The following DST variants were observed in gnomAD, a reference collection of about 807,000 sequenced individuals.
DST encodes the protein dystonin, also known as bullous pemphigoid antigen.
Under a neutral mutation model 875.2 loss-of-function variants are expected in DST, and 253 were observed. That is an observed-to-expected ratio of 0.29 (90% CI 0.26 to 0.32). DST has a LOEUF of 0.32. DST is among the 10% of genes least tolerant of loss of function. DST has a pLI of 1.00. For synonymous variants in DST, 3,124 were observed against 3,197.1 expected, an observed-to-expected ratio of 0.98 and a Z score of 0.77; for missense variants, 8,287 against 9,111.6, an observed-to-expected ratio of 0.91 and a Z score of 3.68.
intron 3 of DST, among the ~76,000 whole-genome samples, chr6:56,893,598 A>ATTTTTTT (rs1789014878): frequency 4.2e-5 from 3 of 72,042 alleles, no homozygotes; most frequent in Non-Finnish European, 7.5e-5. Flanking sequence ...ATTTTTTTTT[A>ATTTTTTT]TTTTTTATTT....
At chr6:56,618,262 C>CTTCTCTTCCA (rs766632087) in intron 36 of DST, 1 of 1,614,114 alleles carries the variant, frequency 6.2e-7, no homozygotes, top group Non-Finnish European at 8.5e-7. Context: ...GATGCTGCCA[C>CTTCTCTTCCA]TTCTCTTCCA....
At chr6:56,510,613 T>G (rs533919889) in intron 73 of DST, among the ~76,000 whole-genome samples, 1 of 152,310 alleles carries the variant, frequency 6.6e-6, no homozygotes, top group East Asian at 1.9e-4. Context: ...TGAACTTTGT[T>G]CTATACTATC....
chr6:56,521,635 CAG>C (rs10547461), intron 69 of DST, among the ~76,000 whole-genome samples: 93,634 of 139,590 alleles, frequency 0.67, 31,257 homozygotes, highest in Non-Finnish European at 0.71. Flanking sequence ...AGACTTCAAA[CAG>C]ATATTTCCCG....
rs753401832 is a variant in DST at position 56,600,119 on chromosome 6, T to C, written c.11644A>G (p.Met3882Val). ...AACTCAACTGTGCCATCTCCAATCATGAAGGCTTCTTGGTGACCAATTAGG... is the reference window on the plus strand; with the variant it reads ...AACTCAACTGTGCCATCTCCAATCACGAAGGCTTCTTGGTGACCAATTAGG... ...NRLIGHQEAF[M>V]IGDGTVELKK... The change falls in exon 45 of 104, where the codon ATG (methionine) becomes GTG (valine). Residue 3882 changes from methionine to valine, a missense_variant. Physicochemically the swap from Met to Val is conservative, Grantham distance 21 (BLOSUM62 1). This residue lies in a region of DST where 3,138 missense variants were observed against 3,116.6 expected (regional missense o/e 1.01). Coordinates refer to ENST00000680361, the MANE Select transcript of DST (RefSeq NM_001374736.1). 1 of 1,612,988 alleles carries C rather than the reference T, an allele frequency of 6.2e-7. No homozygotes were observed. Among genetic ancestry groups the C allele is most frequent in the East Asian group, 2.2e-5 (1 of 44,876 alleles).
At chr6:56,464,630 A>G in intron 100 of DST, 55 bp downstream of exon 100, 2 of 1,268,356 alleles carry the variant, frequency 1.6e-6, no homozygotes, top group Non-Finnish European at 2.2e-6. Flanking sequence ...GCAAGAATGG[A>G]AAAGTAGGAA....
At position 56,608,889 on chromosome 6, in the gene DST, C is replaced by A. The variant is rs919139699; in HGVS notation, c.5739G>T (p.Arg1913Ser). The A allele has an allele frequency of 3.1e-6, 5 of 1,613,566 alleles. No individual in the cohort carries two copies. In the African/African-American group the frequency reaches 6.7e-5, roughly 22 times the overall value. Residue 1913 changes from arginine (R) to serine (S), a missense_variant, in exon 40 of 104, where the codon AGG becomes AGT. Arg to Ser is a moderately radical substitution (Grantham distance 110). Transcript: ENST00000680361. ...CAATAAGATCTTTGCACATATTTTG[C>A]CTTTCCAGAACTTTAGAAAATAATG... ...SSALFSKVLERQNMCKDLIDP... is the reference protein window; with the variant it reads ...SSALFSKVLESQNMCKDLIDP...
rs114632098 is a variant in DST, at chr6:56,502,840, G to T, written c.19567-1147C>A. ...TGAAAATGCTACAATTTTAAAGCCA[G>T]ATAATATTTTCACATAAAATCTAGC... On this transcript the variant is annotated intron_variant, in intron 78 of 103. Transcript: ENST00000680361. Among the ~76,000 whole-genome samples, 1,387 of 152,168 alleles carry T rather than the reference G, an allele frequency of 9.1e-3. 21 individuals carry two copies. The highest frequency in any genetic ancestry group is 0.031 in the African/African-American group (1,286 of 41,536).
At chr6:56,507,323 T>C (rs978611263) in intron 75 of DST, among the ~76,000 whole-genome samples, 7 of 152,194 alleles carry the variant, frequency 4.6e-5, no homozygotes, top group Non-Finnish European at 7.3e-5. Flanking sequence ...AATACATTCA[T>C]TCATTCAACA....
chr6:56,552,998 T>C lies in DST; in HGVS notation c.15794A>G (p.Lys5265Arg), dbSNP rs746413021. The C allele has an allele frequency of 1.7e-5, 28 of 1,613,882 alleles. No individual in the cohort carries two copies. In the South Asian group the frequency reaches 3.1e-4, roughly 18 times the overall value. The change falls in exon 61 of 104, where the codon AAA becomes AGA. Residue 5265 changes from lysine to arginine, a missense_variant. Around this residue, in one of 10 missense-constraint regions of DST, gnomAD observed 1,513 missense variants for 1,677.8 expected, o/e 0.90. Transcript: ENST00000680361. ...DMVTEQLHSK[K>R]FCLENMTQKF... ...CTGAGTCATGTTCTCCAGACAGAAT[T>C]TCTTACTGTGAAGTTGTTCAGTGAC...
At chr6:56,620,913 C>G (rs962118277) in intron 36 of DST, among the ~76,000 whole-genome samples, 1 of 152,160 alleles carries the variant, frequency 6.6e-6, no homozygotes, top group African/African-American at 2.4e-5. Flanking sequence ...AAACCCTTCA[C>G]GACAGGTTTT....
intron 55 of DST, among the ~76,000 whole-genome samples, chr6:56,566,315 A>T (rs1000992411): frequency 2.6e-5 from 4 of 152,102 alleles, no homozygotes; most frequent in African/African-American, 9.7e-5. Context: ...TGAAACCCAG[A>T]GCCCTGGTGG....
chr6:56,865,287 GT>G (rs1773416486), intron 3 of DST, among the ~76,000 whole-genome samples: 1 of 151,012 alleles, frequency 6.6e-6, no homozygotes, highest in African/African-American at 2.5e-5. Flanking sequence ...GTGTGTGTGT[GT>G]GTGTGTGTCT....
intron 7 of DST, 112 bp from the exon 8 acceptor site, chr6:56,702,077 G>T: frequency 1.7e-6 from 1 of 593,742 alleles, no homozygotes; most frequent in Non-Finnish European, 2.9e-6. Flanking sequence ...TTACCGTTTA[G>T]GTAAGGCCAT....
At chr6:56,834,404 C>G (rs2099791002) in intron 4 of DST, among the ~76,000 whole-genome samples, 1 of 152,150 alleles carries the variant, frequency 6.6e-6, no homozygotes. Context: ...TGAAACCAGC[C>G]TAACCAATAT....
intron 3 of DST, among the ~76,000 whole-genome samples, chr6:56,897,724 G>A (rs1214285623): frequency 1.3e-5 from 2 of 152,092 alleles, no homozygotes; most frequent in Admixed American, 6.5e-5. Context: ...GAGACTGATG[G>A]CTGTGATCTG....
chr6:56,632,100 T>C (rs1027672567), intron 28 of DST, 60 bp from the exon 29 acceptor site: 9 of 1,349,452 alleles, frequency 6.7e-6, no homozygotes, highest in Non-Finnish European at 8.3e-6. Context: ...AGCTTCTGTT[T>C]ATGTTTTAAT....
At chr6:56,485,165 A>C (rs1398430740) in intron 88 of DST, 147 bp downstream of exon 88, 3 of 847,920 alleles carry the variant, frequency 3.5e-6, no homozygotes, top group African/African-American at 1.7e-5. Context: ...GGTTCTGCTC[A>C]AACGGACACA....
At chr6:56,893,574 T>A (rs1177583210) in intron 3 of DST, among the ~76,000 whole-genome samples, 5 of 114,118 alleles carry the variant, frequency 4.4e-5, no homozygotes, top group East Asian at 2.1e-4. Context: ...TTTTTTTTTT[T>A]TTTTTTTTTT....
intron 75 of DST, among the ~76,000 whole-genome samples, chr6:56,507,636 G>A (rs1251055407): frequency 2.0e-5 from 3 of 152,174 alleles, no homozygotes; most frequent in Admixed American, 6.5e-5. Context: ...AATAAGATGC[G>A]CAAAGGCACT....
Sources: gnomAD v4.1 joint callset for allele counts (sites outside exome capture counted in the v4.1 genomes callset) on GRCh38, gnomAD v4.1.1 for gene constraint, gnomAD v4.1.1 regional missense constraint, MANE v1.5 for transcripts, NCBI Gene and HGNC (gene_info 2026-07-23, HGNC 2026-07-21) for gene names.